Variants in DOCK3 observed in about 807,000 individuals in gnomAD.
DOCK3 encodes the protein dedicator of cytokinesis 3, also known as dedicator of cytokinesis protein 3.
A neutral mutation model predicts 265.6 loss-of-function variants in DOCK3; 60 were observed. That is an observed-to-expected ratio of 0.23 (90% confidence interval 0.18 to 0.28). DOCK3 has a LOEUF of 0.28. DOCK3 is among the 10% of genes least tolerant of loss of function. The pLI, the probability that DOCK3 is intolerant of heterozygous loss-of-function variation, is 1.00. For missense variants in DOCK3, 1,981 were observed against 2,594.3 expected (o/e 0.76, Z 5.14); for synonymous variants, 881 against 938.0 (o/e 0.94, Z 1.11).
intron 9 of DOCK3, among the ~76,000 whole-genome samples, chr3:51,120,387 A>G (rs537091239): frequency 6.6e-6 from 1 of 152,276 alleles, no homozygotes; most frequent in South Asian, 2.1e-4. Context: ...GCTCTGCTGT[A>G]TGAGGTGTCT....
At chr3:50,741,022 T>C (rs2038982816) in intron 1 of DOCK3, among the ~76,000 whole-genome samples, 1 of 151,994 alleles carries the variant, frequency 6.6e-6, no homozygotes, top group African/African-American at 2.4e-5. Context: ...GTACCTTATA[T>C]AGGTGGAATT....
chr3:50,994,213 G>T (rs1321633183), intron 5 of DOCK3, among the ~76,000 whole-genome samples: 1 of 152,142 alleles, frequency 6.6e-6, no homozygotes, highest in African/African-American at 2.4e-5. Context: ...GCAACTTACT[G>T]CATGTAGTTG....
intron 5 of DOCK3, among the ~76,000 whole-genome samples, chr3:51,014,379 T>G (rs2079071707): frequency 6.6e-6 from 1 of 152,122 alleles, no homozygotes; most frequent in Non-Finnish European, 1.5e-5. Context: ...TCATTCTCTC[T>G]TACATTCTCC....
intron 5 of DOCK3, among the ~76,000 whole-genome samples, chr3:50,987,096 A>C (rs1429094970): frequency 6.6e-6 from 1 of 152,198 alleles, no homozygotes; most frequent in African/African-American, 2.4e-5. Flanking sequence ...TACCTTCCCA[A>C]AGGGCCACAT....
chr3:50,895,223 T>A (rs1276124501), intron 4 of DOCK3, among the ~76,000 whole-genome samples: 17 of 148,282 alleles, frequency 1.1e-4, no homozygotes, highest in Admixed American at 9.5e-4. Context: ...TTTTTTTTTT[T>A]AGAACTTGAA....
chr3:51,321,083 C>A lies in DOCK3; in HGVS notation c.3402+5955C>A, dbSNP rs1019118800. The stretch of plus-strand genomic sequence containing the variant: ...GATACCTCATACAGGAGAGCTCTGG[C>A]TGGCATCTGGTGGGTGCCCTTCTGG... On this transcript the variant is annotated intron_variant, in intron 32 of 52. Coordinates refer to ENST00000266037, the MANE Select transcript of DOCK3 (RefSeq NM_004947.5). Among the ~76,000 whole-genome samples, 5 of 152,326 alleles carry A rather than the reference C, an allele frequency of 3.3e-5. No homozygotes were observed. In the East Asian group the frequency reaches 7.7e-4, roughly 24 times the overall value.
intron 9 of DOCK3, among the ~76,000 whole-genome samples, chr3:51,125,942 A>C (rs889032220): frequency 6.6e-6 from 1 of 152,234 alleles, no homozygotes; most frequent in Non-Finnish European, 1.5e-5. Context: ...TGAGGCTTTA[A>C]GAAAGCAAGC....
chr3:51,352,143 C>T (rs936291778), intron 40 of DOCK3, among the ~76,000 whole-genome samples: 2 of 152,218 alleles, frequency 1.3e-5, no homozygotes, highest in Non-Finnish European at 1.5e-5. Flanking sequence ...AAACCAAAAG[C>T]ATTTCCAGAA....
Position 50,936,418 on chromosome 3 carries a change from T to C in DOCK3, c.315+2341T>C, listed in dbSNP as rs1369366871. 2.6e-5 allele frequency among the ~76,000 whole-genome samples: 4 copies of C among 151,658 alleles called. No individual in the cohort carries two copies. In the East Asian group the frequency reaches 7.7e-4, roughly 29 times the overall value. On this transcript the variant is annotated intron_variant, in intron 5 of 52. Transcript: ENST00000266037. ...TTTTAAGAAATAATGGCTGAAATTT[T>C]CCAGTTTGGCGGAAGACATAAGTGT...
intron 5 of DOCK3, among the ~76,000 whole-genome samples, chr3:50,935,465 G>C (rs548665459): frequency 6.6e-6 from 1 of 152,160 alleles, no homozygotes; most frequent in Non-Finnish European, 1.5e-5. Context: ...TAATGAAGTG[G>C]TGCCCCACCT....
At chr3:51,179,371 T>C (rs571169948) in intron 12 of DOCK3, among the ~76,000 whole-genome samples, 54 of 152,360 alleles carry the variant, frequency 3.5e-4, no homozygotes, top group African/African-American at 1.3e-3. Flanking sequence ...TTCTCAATTA[T>C]TTAACAATTT....
chr3:50,976,999 G>C (rs1480743402), intron 5 of DOCK3, among the ~76,000 whole-genome samples: 7 of 149,568 alleles, frequency 4.7e-5, no homozygotes, highest in African/African-American at 1.5e-4. Flanking sequence ...TTGCTTGGTA[G>C]ATCTTCCTCC....
chr3:51,132,393 G>A (rs1042599028), intron 9 of DOCK3, among the ~76,000 whole-genome samples: 8 of 152,124 alleles, frequency 5.3e-5, no homozygotes, highest in South Asian at 4.1e-4. Context: ...CTAGGGGCCC[G>A]CTGGGACTTT....
chr3:50,859,966 T>C (rs1575381108), intron 3 of DOCK3, among the ~76,000 whole-genome samples: 3 of 152,310 alleles, frequency 2.0e-5, no homozygotes, highest in Admixed American at 2.0e-4. Context: ...AGTGTTTATG[T>C]TTCTTTCCCA....
At chr3:50,816,378 A>G (rs900589699) in intron 2 of DOCK3, among the ~76,000 whole-genome samples, 1 of 140,050 alleles carries the variant, frequency 7.1e-6, no homozygotes, top group African/African-American at 2.7e-5. Flanking sequence ...CTGGCGTGCA[A>G]TGGTGTGATC....
chr3:51,136,222 G>A lies in DOCK3; in HGVS notation c.747-10327G>A, dbSNP rs570845796. On this transcript the variant is annotated intron_variant, in intron 9 of 52. Coordinates refer to ENST00000266037, the MANE Select transcript of DOCK3 (RefSeq NM_004947.5). ...ACCCTCAATCCAGTAGTTTGTCGGT[G>A]CCCCCCGCCACCTTTTTTTTTTTTT... 2.0e-5 allele frequency among the ~76,000 whole-genome samples: 3 copies of A among 149,754 alleles called. No homozygotes were observed. The East Asian group carries it at 5.9e-4, about 29-fold the overall frequency.
chr3:50,875,361 CT>C (rs1211618250), intron 3 of DOCK3, among the ~76,000 whole-genome samples: 1 of 152,062 alleles, frequency 6.6e-6, no homozygotes, highest in African/African-American at 2.4e-5. Flanking sequence ...GAAGTCTTAT[CT>C]TTGTCTTGTT....
At chr3:51,108,041 CTTTT>C (rs755768442) in intron 9 of DOCK3, among the ~76,000 whole-genome samples, 1 of 142,252 alleles carries the variant, frequency 7.0e-6, no homozygotes. Flanking sequence ...ATTCAACATT[CTTTT>C]TTTTTTTTTT....
At chr3:50,727,488 A>G (rs2037905305) in intron 1 of DOCK3, among the ~76,000 whole-genome samples, 1 of 152,186 alleles carries the variant, frequency 6.6e-6, no homozygotes, top group Non-Finnish European at 1.5e-5. Context: ...ACCTGAGGTC[A>G]GGAGTTCGAG....
Sources: allele counts gnomAD v4.1 joint callset (sites outside exome capture counted in the v4.1 genomes callset), GRCh38; gene constraint gnomAD v4.1.1; transcripts MANE v1.5; gene names NCBI Gene and HGNC (gene_info 2026-07-23, HGNC 2026-07-21).